The following PICALM variants were observed in gnomAD, a reference collection of about 807,000 sequenced individuals.
PICALM encodes phosphatidylinositol-binding clathrin assembly protein.
In PICALM, 40 loss-of-function variants were observed where a neutral mutation model predicts 80.5. That is an observed-to-expected ratio of 0.50 (90% CI 0.39 to 0.65). PICALM has a LOEUF of 0.65. Among genes scored for constraint, PICALM ranks in the 30% least tolerant of loss-of-function variants. The pLI, the probability that PICALM is intolerant of heterozygous loss-of-function variation, is 0.00. For missense variants in PICALM, 676 were observed against 778.9 expected, an observed-to-expected ratio of 0.87 and a Z score of 1.57; for synonymous variants, 288 against 260.3, an observed-to-expected ratio of 1.11 and a Z score of -1.02.
In PICALM at chr11:86,045,520, A is replaced by G. The variant is rs933354693; in HGVS notation, c.131-13909T>C. Among the ~76,000 whole-genome samples, 44 of 63,582 alleles carry G rather than the reference A, an allele frequency of 6.9e-4. No individual in the cohort carries two copies. The East Asian group carries it at 0.013, about 18-fold the overall frequency. 41.7% of individuals were successfully genotyped at this position (63,582 alleles called of 152,430 possible). ...ATAGTGAGACCCTGTCTTGAAATTC[A>G]AAAAAAAAAAAAAAAAAAAAAAAAA... On this transcript the variant is annotated intron_variant, in intron 1 of 19. Transcript: ENST00000393346.
At chr11:86,002,615 G>C (rs546981425) in intron 9 of PICALM, among the ~76,000 whole-genome samples, 36 of 152,330 alleles carry the variant, frequency 2.4e-4, no homozygotes, top group African/African-American at 8.4e-4. Context: ...ATTAGGCAGA[G>C]ATGATGCAAT....
intron 1 of PICALM, among the ~76,000 whole-genome samples, chr11:86,055,312 A>G (rs2096252514): frequency 6.6e-6 from 1 of 151,388 alleles, no homozygotes; most frequent in Non-Finnish European, 1.5e-5. Flanking sequence ...CCTGGACAAG[A>G]GCAAAACTCC....
chr11:86,005,536 T>C (rs1043275458), intron 8 of PICALM, among the ~76,000 whole-genome samples: 7 of 151,994 alleles, frequency 4.6e-5, no homozygotes, highest in Admixed American at 3.9e-4. Flanking sequence ...AGACCCTGTC[T>C]CCACAAAAAA....
intron 2 of PICALM, among the ~76,000 whole-genome samples, chr11:86,029,913 A>AAT (rs1250841012): frequency 6.6e-6 from 1 of 152,226 alleles, no homozygotes; most frequent in Non-Finnish European, 1.5e-5. Flanking sequence ...AACTAACATA[A>AAT]GTCCTAAAAA....
Position 86,019,659 on chromosome 11 carries a change from C to T in PICALM, c.452+2708G>A, listed in dbSNP as rs184702574. On this transcript the variant is annotated intron_variant, in intron 4 of 19. Transcript: ENST00000393346. ...CTCCACCATAATCTTCTACAAAGTG[C>T]TTAAATATATGAAACAAAATCTGTA... Among the ~76,000 whole-genome samples the T allele has an allele frequency of 3.9e-5, 6 of 152,262 alleles. No individual in the cohort carries two copies. In the East Asian group the frequency reaches 9.7e-4, roughly 25 times the overall value.
At chr11:86,050,731 A>G (rs2096172064) in intron 1 of PICALM, among the ~76,000 whole-genome samples, 1 of 152,202 alleles carries the variant, frequency 6.6e-6, no homozygotes, top group African/African-American at 2.4e-5. Context: ...GATGCTCCTT[A>G]CACACCCTCA....
upstream of PICALM, chr11:86,069,769 C>A (rs973754970): frequency 3.3e-5 from 5 of 152,244 alleles, no homozygotes; most frequent in Non-Finnish European, 7.3e-5. Flanking sequence ...GAAATGTCAC[C>A]TGGTTTTGTT....
chr11:85,981,914 C>G lies in PICALM; in HGVS notation c.1606G>C (p.Val536Leu). Reference sequence around the variant, plus strand: ...AAAGATGAATCCAAGTCATCAGATACTAACTTGCTAGGTGGGAGTTTGGCA... The same window carrying G: ...AAAGATGAATCCAAGTCATCAGATAGTAACTTGCTAGGTGGGAGTTTGGCA... Reference protein sequence around the residue: ...PVAKLPPSKLVSDDLDSSLAN... With the variant: ...PVAKLPPSKLLSDDLDSSLAN... Residue 536 changes from valine (V) to leucine (L), a missense_variant, in exon 15 of 20, where the codon GTA becomes CTA. Val to Leu is a conservative substitution (Grantham distance 32). Coordinates refer to ENST00000393346, the MANE Select transcript of PICALM (RefSeq NM_007166.4). 6.2e-7 allele frequency: 1 copy of G among 1,613,674 alleles called. No individual in the cohort carries two copies. Among genetic ancestry groups the G allele is most frequent in the Non-Finnish European group, 8.5e-7 (1 of 1,179,550 alleles).
chr11:85,961,083 T>TG (rs1270858188), intron 19 of PICALM, among the ~76,000 whole-genome samples: 1 of 42,118 alleles, frequency 2.4e-5, no homozygotes, highest in Non-Finnish European at 4.2e-5. Flanking sequence ...AATGTGTGTA[T>TG]GGGGGGTGGT....
intron 1 of PICALM, among the ~76,000 whole-genome samples, chr11:86,035,866 T>C (rs2136908335): frequency 6.8e-6 from 1 of 147,040 alleles, no homozygotes; most frequent in East Asian, 2.0e-4. Context: ...CAGAATTGCT[T>C]GAGTCTGGGA....
intron 11 of PICALM, 150 bp from the exon 12 acceptor site, chr11:85,997,079 T>A: frequency 1.9e-6 from 1 of 532,930 alleles, no homozygotes; most frequent in Non-Finnish European, 3.3e-6. Context: ...AGTTTCTTCA[T>A]ATGACAGCAT....
At chr11:85,966,069 C>A (rs891730610) in intron 19 of PICALM, among the ~76,000 whole-genome samples, 1 of 152,050 alleles carries the variant, frequency 6.6e-6, no homozygotes, top group Non-Finnish European at 1.5e-5. Context: ...CACCCCTCCC[C>A]CAGCCTCCCA....
In PICALM at chr11:85,988,424, GA is replaced by G. The variant is rs891386923; in HGVS notation, c.1408+1825del. 3.1e-4 allele frequency among the ~76,000 whole-genome samples: 46 copies of G among 148,866 alleles called. No homozygotes were observed. In the South Asian group the frequency reaches 6.8e-3, roughly 22 times the overall value. On this transcript the variant is annotated intron_variant, in intron 13 of 19. Coordinates refer to ENST00000393346, the MANE Select transcript of PICALM (RefSeq NM_007166.4). ...CCAAGTTTATAAAAACTCATTTTAA[GA>G]AAAAAAAAATCCTTCCTGCATAAAT...
intron 2 of PICALM, among the ~76,000 whole-genome samples, chr11:86,027,403 C>T (rs537610550): frequency 4.0e-4 from 61 of 152,054 alleles, no homozygotes; most frequent in South Asian, 1.7e-3. Flanking sequence ...TTCAACTTCG[C>T]TTCTTAGGAT....
chr11:86,009,978 T>C (rs1393992654), intron 7 of PICALM, among the ~76,000 whole-genome samples: 1 of 152,224 alleles, frequency 6.6e-6, no homozygotes, highest in Non-Finnish European at 1.5e-5. Flanking sequence ...TCTGTCCTAT[T>C]GCATCTAATA....
chr11:86,037,297 T>C (rs2095860341), intron 1 of PICALM, among the ~76,000 whole-genome samples: 1 of 137,324 alleles, frequency 7.3e-6, no homozygotes, highest in Non-Finnish European at 1.5e-5. Flanking sequence ...TCTCACTCTA[T>C]CGCCCAGGCT....
chr11:85,992,276 T>G (rs1413209104), intron 12 of PICALM, among the ~76,000 whole-genome samples: 1 of 133,198 alleles, frequency 7.5e-6, no homozygotes, highest in Non-Finnish European at 1.6e-5. Context: ...AAGTTCTGGG[T>G]GTGTTTTGTT....
intron 19 of PICALM, chr11:85,960,561 G>A: frequency 4.7e-6 from 2 of 429,368 alleles, no homozygotes; most frequent in South Asian, 3.6e-5. Flanking sequence ...GGAGGAGGAG[G>A]AGAGGGAGCC....
intron 1 of PICALM, among the ~76,000 whole-genome samples, chr11:86,056,357 T>C (rs1434445884): frequency 2.7e-5 from 4 of 150,152 alleles, no homozygotes; most frequent in East Asian, 1.9e-4. Flanking sequence ...AGACCTTGAA[T>C]AGATATTTTC....
Sources: allele counts gnomAD v4.1 joint callset (sites outside exome capture counted in the v4.1 genomes callset), GRCh38; gene constraint gnomAD v4.1.1; transcripts MANE v1.5; gene names NCBI Gene and HGNC (gene_info 2026-07-23, HGNC 2026-07-21).